The following ZMYM2 variants were observed in gnomAD, a reference collection of about 807,000 sequenced individuals.
The protein encoded by ZMYM2 is zinc finger MYM-type containing 2.
In ZMYM2, 56 loss-of-function variants were observed where a neutral mutation model predicts 162.8. That is an observed-to-expected ratio of 0.34 (90% confidence interval 0.28 to 0.43). ZMYM2 has a LOEUF of 0.43. ZMYM2 is among the 20% of genes least tolerant of loss of function. The probability of loss-of-function intolerance (pLI) is 1.00; values close to 1 mark genes in which losing one functional copy is unlikely to be tolerated. For synonymous variants in ZMYM2, 510 were observed against 541.6 expected (o/e 0.94, Z 0.81); for missense variants, 1,275 against 1,621.8 (o/e 0.79, Z 3.67).
intron 21 of ZMYM2, among the ~76,000 whole-genome samples, chr13:20,074,198 G>GTC (rs1957306807): frequency 4.9e-5 from 1 of 20,580 alleles, no homozygotes; most frequent in African/African-American, 1.1e-4. Flanking sequence ...GTCAGAATTT[G>GTC]TGTGTGTGTG....
the ZMYM2 span, among the ~76,000 whole-genome samples, chr13:19,923,111 G>T: frequency 4.0e-5 from 6 of 150,992 alleles, no homozygotes; most frequent in Non-Finnish European, 5.9e-5. Context: ...AGGCCGAGGC[G>T]GGGGGATCGC....
the ZMYM2 span, among the ~76,000 whole-genome samples, chr13:19,945,973 A>AAG: frequency 6.7e-6 from 1 of 149,572 alleles, no homozygotes; most frequent in African/African-American, 2.4e-5. Flanking sequence ...AAAAAAAAAA[A>AAG]AGAGAAGTTT....
intron 14 of ZMYM2, among the ~76,000 whole-genome samples, chr13:20,055,078 A>G (rs528185586): frequency 9.3e-5 from 14 of 151,306 alleles, no homozygotes; most frequent in African/African-American, 2.7e-4. Context: ...CATACTTTTC[A>G]TATGGGTGAG....
At chr13:19,969,929 T>C in intron 2 of ZMYM2, 2 of 534,254 alleles carry the variant, frequency 3.7e-6, no homozygotes, top group Non-Finnish European at 4.8e-6. Context: ...TTAGTAATAG[T>C]CTGTATTAGA....
the ZMYM2 span, among the ~76,000 whole-genome samples, chr13:19,932,228 A>G: frequency 4.6e-5 from 7 of 152,112 alleles, no homozygotes; most frequent in Admixed American, 2.6e-4. Context: ...GTTTCCCCCA[A>G]AATTCTATGT....
upstream of ZMYM2, among the ~76,000 whole-genome samples, chr13:19,957,642 G>A (rs1000054278): frequency 6.6e-6 from 1 of 152,342 alleles, no homozygotes; most frequent in South Asian, 2.1e-4. Context: ...GGGCTGTGGA[G>A]GGAGCCTCCA....
intron 3 of ZMYM2, among the ~76,000 whole-genome samples, chr13:19,994,498 AT>A (rs1014902081): frequency 1.3e-5 from 2 of 151,524 alleles, no homozygotes; most frequent in African/African-American, 2.4e-5. Context: ...TTGCATTTAG[AT>A]TTTTTTTTGA....
the ZMYM2 span, among the ~76,000 whole-genome samples, chr13:19,902,804 T>C: frequency 6.6e-6 from 1 of 151,910 alleles, no homozygotes; most frequent in Non-Finnish European, 1.5e-5. Flanking sequence ...CTTGAATCCA[T>C]GAGTTTGAGA....
chr13:20,070,268 C>T (rs904457988), intron 21 of ZMYM2: 15 of 176,154 alleles, frequency 8.5e-5, no homozygotes, highest in Non-Finnish European at 1.4e-4. Context: ...GTATTCACCA[C>T]TAGCCAGTTC....
the ZMYM2 span, among the ~76,000 whole-genome samples, chr13:19,940,404 A>G: frequency 6.6e-6 from 1 of 152,232 alleles, no homozygotes; most frequent in African/African-American, 2.4e-5. Context: ...GTCTATTTAA[A>G]CAAAATCACT....
chr13:19,972,573 C>A (rs1700535892), intron 2 of ZMYM2, among the ~76,000 whole-genome samples: 1 of 151,880 alleles, frequency 6.6e-6, no homozygotes, highest in Admixed American at 6.6e-5. Context: ...TATAATACAG[C>A]TTAGACATTC....
chr13:19,899,127 A>G, the ZMYM2 span, among the ~76,000 whole-genome samples: 1 of 151,492 alleles, frequency 6.6e-6, no homozygotes, highest in South Asian at 2.1e-4. Context: ...TAATTTTTGT[A>G]TTTTTAGTAG....
the ZMYM2 span, among the ~76,000 whole-genome samples, chr13:19,906,286 A>ATAT: frequency 2.5e-5 from 2 of 81,344 alleles, no homozygotes; most frequent in Non-Finnish European, 5.3e-5. Context: ...AAAAAAAAGT[A>ATAT]TATATATATA....
At chr13:19,955,105 C>G (rs1186607564), upstream of ZMYM2, among the ~76,000 whole-genome samples, 1 of 151,808 alleles carries the variant, frequency 6.6e-6, no homozygotes, top group East Asian at 1.9e-4. Flanking sequence ...AGCCACTGCG[C>G]CCGGCCCCAA....
chr13:19,983,163 GAGACGGAGTCTCATTCTGTTGCCCA>G (rs1957502524), intron 2 of ZMYM2, among the ~76,000 whole-genome samples: 3 of 78,914 alleles, frequency 3.8e-5, no homozygotes, highest in Non-Finnish European at 7.1e-5. Flanking sequence ...TTTTTTTTTT[GAGACGGAGTCTCATTCTGTTGCCCA>G]GGTTGGAGTA....
In ZMYM2 at chr13:20,006,568, T is replaced by C; in HGVS notation, c.1494T>C (p.Cys498=). The change falls in exon 6 of 25, where the codon TGT becomes TGC. Residue 498 remains cysteine (C), a synonymous_variant. Coordinates refer to ENST00000610343, the MANE Select transcript of ZMYM2 (RefSeq NM_197968.4). The part of the protein sequence containing the change: ...GQQKRFCCQS[C]VSEYKQVGSH... ...AGAAAAGATTTTGCTGTCAAAGTTG[T>C]GTCAGTGAATACAAACAGGTAATTC... 6.2e-7 allele frequency: 1 copy of C among 1,613,902 alleles called. No homozygotes were observed. The highest frequency in any genetic ancestry group is 1.1e-5 in the South Asian group (1 of 91,048).
chr13:19,995,561 T>G (rs1334984897), intron 3 of ZMYM2, among the ~76,000 whole-genome samples: 1 of 152,168 alleles, frequency 6.6e-6, no homozygotes, highest in Non-Finnish European at 1.5e-5. Flanking sequence ...GTATTTTTAG[T>G]AGAGACGGGG....
At chr13:20,076,587 C>G (rs1044550571) in intron 21 of ZMYM2, among the ~76,000 whole-genome samples, 4 of 149,884 alleles carry the variant, frequency 2.7e-5, no homozygotes, top group Non-Finnish European at 5.9e-5. Flanking sequence ...TGTCATTTTT[C>G]CAAATTTTTC....
At chr13:19,998,396 AG>A (rs2139828276) in intron 3 of ZMYM2, among the ~76,000 whole-genome samples, 1 of 152,336 alleles carries the variant, frequency 6.6e-6, no homozygotes, top group South Asian at 2.1e-4. Flanking sequence ...AAGTTTTGAT[AG>A]GCTCTTTTAA....
Sources: gnomAD v4.1 joint callset for allele counts (sites outside exome capture counted in the v4.1 genomes callset) on GRCh38, gnomAD v4.1.1 for gene constraint, MANE v1.5 for transcripts, NCBI Gene and HGNC (gene_info 2026-07-23, HGNC 2026-07-21) for gene names.